ICA1: variants seen among roughly 807,000 people sequenced by gnomAD.
ICA1 encodes islet cell autoantigen 1.
Under a neutral mutation model 71.0 loss-of-function variants are expected in ICA1, and 40 were observed. The ratio of observed to expected loss-of-function variants is 0.56; its 90% confidence interval spans 0.44 to 0.73. The LOEUF (loss-of-function observed/expected upper bound fraction) is 0.73, where lower values mean the gene tolerates loss of function less well. Ranked by LOEUF, ICA1 falls within the 30% of genes least tolerant of loss-of-function variation. The pLI, the probability that ICA1 is intolerant of heterozygous loss-of-function variation, is 0.00. For synonymous variants in ICA1, 207 were observed against 209.5 expected, an observed-to-expected ratio of 0.99 and a Z score of 0.10; for missense variants, 578 against 576.5, an observed-to-expected ratio of 1.00 and a Z score of -0.03.
intron 1 of ICA1, among the ~76,000 whole-genome samples, chr7:8,242,527 A>C (rs192384836): frequency 0.019 from 2,943 of 152,306 alleles, 43 homozygotes; most frequent in Non-Finnish European, 0.029. Flanking sequence ...AGAGCAAACA[A>C]ATTCAAATGC....
At position 8,122,115 on chromosome 7, in the gene ICA1, G is replaced by C. The variant is rs775503890; in HGVS notation, c.1330+5758C>G. 2.3e-4 allele frequency among the ~76,000 whole-genome samples: 35 copies of C among 152,312 alleles called. 1 individual carries two copies. The highest frequency in any genetic ancestry group is 6.2e-4 in the South Asian group (3 of 4,828). On this transcript the variant is annotated intron_variant, in intron 13 of 13. Transcript: ENST00000402384. The stretch of plus-strand genomic sequence containing the variant: ...GACAAGCAGCATGCTGCACAGGTGA[G>C]TGGCATGCTCTAAGGAGAAGGGAGA...
chr7:8,211,853 T>G (rs1351052857), intron 6 of ICA1, among the ~76,000 whole-genome samples: 3 of 152,128 alleles, frequency 2.0e-5, no homozygotes, highest in Admixed American at 2.0e-4. Context: ...TTGTAACTGC[T>G]CAACTCTGCC....
At chr7:8,116,244 C>G (rs1784761313) in intron 13 of ICA1, 1 of 152,212 alleles carries the variant, frequency 6.6e-6, no homozygotes. Context: ...CCTTTCACTG[C>G]AGGGCTGTTG....
chr7:8,143,829 TC>T (rs1222666453), intron 9 of ICA1, 45 bp downstream of exon 9: 1 of 1,250,726 alleles, frequency 8.0e-7, no homozygotes. Context: ...CACATAACTC[TC>T]ACCTGTGGGA....
At chr7:8,242,248 A>G (rs548568177) in intron 1 of ICA1, among the ~76,000 whole-genome samples, 21 of 152,364 alleles carry the variant, frequency 1.4e-4, no homozygotes, top group African/African-American at 5.0e-4. Context: ...ATTAGAATTC[A>G]GGATTAAGAA....
chr7:8,147,520 A>G (rs997853116), intron 8 of ICA1, among the ~76,000 whole-genome samples: 2 of 152,104 alleles, frequency 1.3e-5, no homozygotes, highest in African/African-American at 4.8e-5. Context: ...GTACTTGTTG[A>G]TTGATAAATG....
At chr7:8,195,484 G>A (rs1470983184) in intron 6 of ICA1, among the ~76,000 whole-genome samples, 1 of 152,076 alleles carries the variant, frequency 6.6e-6, no homozygotes, top group Non-Finnish European at 1.5e-5. Context: ...AGAGGTTGTA[G>A]TGAGCCAAGA....
At chr7:8,253,103 G>A (rs1329358898) in intron 1 of ICA1, among the ~76,000 whole-genome samples, 13 of 152,168 alleles carry the variant, frequency 8.5e-5, no homozygotes, top group Non-Finnish European at 2.9e-5. Flanking sequence ...TTTTGTTGGA[G>A]AGCCTCAGTC....
In ICA1 at chr7:8,191,406, C is replaced by T. The variant is rs184483635; in HGVS notation, c.579+26899G>A. Among the ~76,000 whole-genome samples the T allele has an allele frequency of 3.6e-3, 554 of 152,248 alleles. 1 individual carries two copies. The highest frequency in any genetic ancestry group is 6.8e-3 in the Middle Eastern group (2 of 292). ...TTCAGCAGAAACTGTACTTCAAGTA[C>T]GCAAACAACCACTCTGTTTTTCATT... On this transcript the variant is annotated intron_variant, in intron 6 of 13. Coordinates refer to ENST00000402384, the MANE Select transcript of ICA1 (RefSeq NM_001136020.3).
At chr7:8,237,687 G>A (rs924556285) in intron 1 of ICA1, among the ~76,000 whole-genome samples, 1 of 152,014 alleles carries the variant, frequency 6.6e-6, no homozygotes, top group Non-Finnish European at 1.5e-5. Context: ...CAAACACTCA[G>A]TATTTGTGTT....
intron 12 of ICA1, among the ~76,000 whole-genome samples, chr7:8,137,870 C>T (rs1793944052): frequency 6.6e-6 from 1 of 152,216 alleles, no homozygotes; most frequent in Non-Finnish European, 1.5e-5. Flanking sequence ...TCCTTGCACA[C>T]TCTGTAAATT....
chr7:8,172,759 C>G (rs1044371433), intron 6 of ICA1, among the ~76,000 whole-genome samples: 8 of 152,116 alleles, frequency 5.3e-5, no homozygotes, highest in African/African-American at 1.9e-4. Context: ...TTTTAAAATT[C>G]TCTTTTAAAA....
intron 6 of ICA1, among the ~76,000 whole-genome samples, chr7:8,169,305 A>G (rs1807383995): frequency 6.6e-6 from 1 of 152,040 alleles, no homozygotes; most frequent in Non-Finnish European, 1.5e-5. Flanking sequence ...GGTGATTTTG[A>G]GTAAAGCTGT....
intron 7 of ICA1, 85 bp downstream of exon 7, chr7:8,158,442 G>C: frequency 1.9e-6 from 3 of 1,545,068 alleles, no homozygotes; most frequent in Non-Finnish European, 2.7e-6. Flanking sequence ...AATGGCCAAA[G>C]CTTACTTTTA....
At chr7:8,246,198 T>A (rs1805938311) in intron 1 of ICA1, among the ~76,000 whole-genome samples, 1 of 152,206 alleles carries the variant, frequency 6.6e-6, no homozygotes, top group Non-Finnish European at 1.5e-5. Context: ...TGATGGACTG[T>A]GAGCGCCAAG....
intron 1 of ICA1, among the ~76,000 whole-genome samples, chr7:8,245,111 G>A (rs542195105): frequency 2.5e-4 from 38 of 152,258 alleles, no homozygotes; most frequent in African/African-American, 7.9e-4. Flanking sequence ...ACATGCACAC[G>A]TATGTTTACT....
chr7:8,146,289 G>A (rs1796867328), intron 8 of ICA1, among the ~76,000 whole-genome samples: 1 of 152,178 alleles, frequency 6.6e-6, no homozygotes, highest in African/African-American at 2.4e-5. Context: ...TAAATGACAA[G>A]AAGGAGCCAG....
intron 12 of ICA1, among the ~76,000 whole-genome samples, chr7:8,129,367 C>CTT (rs142605142): frequency 0.1 from 13,923 of 135,224 alleles, 815 homozygotes; most frequent in Non-Finnish European, 0.15. Flanking sequence ...TAAGTAAAGG[C>CTT]TTTTTTTTTA....
intron 6 of ICA1, among the ~76,000 whole-genome samples, chr7:8,192,221 G>A (rs1785905862): frequency 6.6e-6 from 1 of 152,100 alleles, no homozygotes. Context: ...TATAACAAAA[G>A]AAAATCTAAA....
Sources: allele counts gnomAD v4.1 joint callset (sites outside exome capture counted in the v4.1 genomes callset), GRCh38; gene constraint gnomAD v4.1.1; transcripts MANE v1.5; gene names NCBI Gene and HGNC (gene_info 2026-07-23, HGNC 2026-07-21).